The following EPB41L2 variants were observed in gnomAD, a reference collection of about 807,000 sequenced individuals.
The protein encoded by EPB41L2 is band 4.1-like protein 2.
EPB41L2 carries 43 observed loss-of-function variants against 113.0 expected under a neutral mutation model. That is an observed-to-expected ratio of 0.38 (90% confidence interval 0.30 to 0.49). The LOEUF is 0.49. EPB41L2 is among the 20% of genes least tolerant of loss of function. The pLI, the probability that EPB41L2 is intolerant of heterozygous loss-of-function variation, is 0.95. For missense variants in EPB41L2, 1,147 were observed against 1,223.4 expected, an observed-to-expected ratio of 0.94 and a Z score of 0.93; for synonymous variants, 442 against 436.7, an observed-to-expected ratio of 1.01 and a Z score of -0.15.
intron 1 of EPB41L2, among the ~76,000 whole-genome samples, chr6:130,968,815 A>G (rs1776010365): frequency 6.6e-6 from 1 of 151,526 alleles, no homozygotes; most frequent in Non-Finnish European, 1.5e-5. Flanking sequence ...TCAAATAACT[A>G]TTTTTAGGTG....
chr6:131,048,935 C>T (rs961288210), intron 1 of EPB41L2, among the ~76,000 whole-genome samples: 3 of 151,904 alleles, frequency 2.0e-5, no homozygotes, highest in African/African-American at 7.3e-5. Flanking sequence ...GCCACATTAT[C>T]CTTCACTGCT....
intron 1 of EPB41L2, among the ~76,000 whole-genome samples, chr6:131,024,166 T>G (rs1473709542): frequency 6.6e-6 from 1 of 152,134 alleles, no homozygotes; most frequent in African/African-American, 2.4e-5. Flanking sequence ...GAACACTTTT[T>G]TTTTTAACTA....
Position 130,955,133 on chromosome 6 carries a change from T to C in EPB41L2, c.677A>G (p.Asp226Gly), listed in dbSNP as rs1223677334. The C allele has an allele frequency of 1.9e-6, 3 of 1,614,070 alleles. No individual in the cohort carries two copies. In the African/African-American group the frequency reaches 4.0e-5, roughly 22 times the overall value. The change falls in exon 3 of 20, where the codon GAT (aspartate) becomes GGT (glycine). Residue 226 changes from aspartate (D) to glycine (G), a missense_variant. Asp to Gly is a moderately conservative substitution (Grantham distance 94). Coordinates refer to ENST00000337057, the MANE Select transcript of EPB41L2 (RefSeq NM_001431.4). ...KTVQCKVTLL[D>G]GTEYSCDLEK... ...CAGGTCACAGCTGTATTCGGTGCCA[T>C]CTAAGAGGGTCACTTTACACTGGAC...
chr6:131,056,712 T>A (rs1381219237), intron 1 of EPB41L2, among the ~76,000 whole-genome samples: 1 of 152,188 alleles, frequency 6.6e-6, no homozygotes, highest in African/African-American at 2.4e-5. Flanking sequence ...TTAATCCTCA[T>A]GTAACTCTGA....
chr6:130,924,627 G>A (rs1026234650), intron 4 of EPB41L2, among the ~76,000 whole-genome samples: 2 of 151,982 alleles, frequency 1.3e-5, no homozygotes, highest in Non-Finnish European at 2.9e-5. Context: ...TGATCTGCCC[G>A]CCTCAGCCTC....
At chr6:130,867,623 TAAAGTA>T (rs756194796) in intron 15 of EPB41L2, 42 bp from the exon 16 acceptor site, 23 of 1,610,646 alleles carry the variant, frequency 1.4e-5, no homozygotes, top group Non-Finnish European at 2.0e-5. Flanking sequence ...CTAGAGGTAA[TAAAGTA>T]AAAGTGTTTA....
At chr6:131,050,903 T>C (rs1796386551) in intron 1 of EPB41L2, among the ~76,000 whole-genome samples, 1 of 152,138 alleles carries the variant, frequency 6.6e-6, no homozygotes, top group African/African-American at 2.4e-5. Flanking sequence ...CCAAAGAATA[T>C]TCAAGTATAT....
At chr6:131,023,729 G>GTGTA (rs1387546983) in intron 1 of EPB41L2, among the ~76,000 whole-genome samples, 4 of 119,354 alleles carry the variant, frequency 3.4e-5, no homozygotes, top group South Asian at 2.6e-4. Context: ...GTGTGTGTGT[G>GTGTA]TATATATATC....
intron 17 of EPB41L2, among the ~76,000 whole-genome samples, chr6:130,864,267 G>A (rs957800811): frequency 5.3e-5 from 8 of 152,204 alleles, no homozygotes; most frequent in African/African-American, 1.9e-4. Context: ...GATGGATTCT[G>A]AGCATACAAA....
chr6:131,039,023 CATGAT>C lies in EPB41L2; in HGVS notation c.-15+24127_-15+24131del, dbSNP rs375475501. ...CAGTGACTTCCCAGAGGCTTAGAAA[CATGAT>C]ATAAGTATTATGTTATTCCATTAGA... On this transcript the variant is annotated intron_variant, in intron 1 of 19. Coordinates refer to ENST00000337057, the MANE Select transcript of EPB41L2 (RefSeq NM_001431.4). Among the ~76,000 whole-genome samples, 146 of 152,200 alleles carry C rather than the reference CATGAT, an allele frequency of 9.6e-4. No homozygotes were observed. The Middle Eastern group carries it at 0.01, about 11-fold the overall frequency.
intron 14 of EPB41L2, among the ~76,000 whole-genome samples, chr6:130,875,202 C>A (rs923143769): frequency 2.6e-5 from 4 of 152,192 alleles, no homozygotes; most frequent in African/African-American, 9.7e-5. Flanking sequence ...TACCAATTAA[C>A]AGAATCTACT....
In EPB41L2 at chr6:130,865,530, CT is replaced by C; in HGVS notation, c.2829+5del. ...CCTCTCCATATGATCCCCTGCATTG[CT>C]TTACCTTGGTGATGTGTGTGGTTGT... On this transcript the variant is annotated splice_donor_5th_base_variant and intron_variant, in intron 17 of 19. Coordinates refer to ENST00000337057, the MANE Select transcript of EPB41L2 (RefSeq NM_001431.4). 1 of 1,613,886 alleles carries C rather than the reference CT, an allele frequency of 6.2e-7. No individual in the cohort carries two copies. The highest frequency in any genetic ancestry group is 8.5e-7 in the Non-Finnish European group (1 of 1,179,832).
chr6:130,891,428 T>TTTACTTAATTAC (rs1554260419), intron 10 of EPB41L2, among the ~76,000 whole-genome samples: 10 of 149,364 alleles, frequency 6.7e-5, no homozygotes, highest in African/African-American at 2.5e-4. Flanking sequence ...TATTTATTTA[T>TTTACTTAATTAC]TTACTTACTT....
intron 3 of EPB41L2, among the ~76,000 whole-genome samples, chr6:130,952,395 C>G (rs1390864165): frequency 6.6e-6 from 1 of 151,188 alleles, no homozygotes; most frequent in Admixed American, 6.6e-5. Flanking sequence ...AACTGTGACT[C>G]AGGAGGGGAA....
chr6:131,057,122 A>C lies in EPB41L2; in HGVS notation c.-15+6033T>G, dbSNP rs145159193. On this transcript the variant is annotated intron_variant, in intron 1 of 19. Coordinates refer to ENST00000337057, the MANE Select transcript of EPB41L2 (RefSeq NM_001431.4). ...AAAACTTCCATCTTCTAATCTCGAA[A>C]ATAAGAACTGAAACATCAGTTCTCA... is the stretch of plus-strand genomic sequence containing the variant. Among the ~76,000 whole-genome samples the C allele has an allele frequency of 6.7e-3, 1,021 of 152,332 alleles. 20 individuals are homozygous for C. The highest frequency in any genetic ancestry group is 0.024 in the African/African-American group (986 of 41,564).
At chr6:131,005,178 G>GTT (rs5880046) in intron 1 of EPB41L2, among the ~76,000 whole-genome samples, 6 of 145,240 alleles carry the variant, frequency 4.1e-5, no homozygotes, top group South Asian at 2.2e-4. Flanking sequence ...CTTTTACAGA[G>GTT]TTTTTTTTTT....
chr6:130,978,620 T>C (rs1193381709), intron 1 of EPB41L2: 1 of 152,214 alleles, frequency 6.6e-6, no homozygotes, highest in South Asian at 2.1e-4. Flanking sequence ...CCTCTGCCCA[T>C]GAAATCTTGA....
At chr6:131,045,226 T>C (rs1795183515) in intron 1 of EPB41L2, among the ~76,000 whole-genome samples, 1 of 148,096 alleles carries the variant, frequency 6.8e-6, no homozygotes, top group Admixed American at 6.7e-5. Context: ...TATCTATTAG[T>C]GCATACTATG....
intron 19 of EPB41L2, among the ~76,000 whole-genome samples, chr6:130,852,441 C>T (rs1294141963): frequency 6.6e-6 from 1 of 152,170 alleles, no homozygotes; most frequent in Non-Finnish European, 1.5e-5. Context: ...AAAAATACAC[C>T]TTTGCTTTAA....
Sources: gnomAD v4.1 joint callset for allele counts (sites outside exome capture counted in the v4.1 genomes callset) on GRCh38, gnomAD v4.1.1 for gene constraint, MANE v1.5 for transcripts, NCBI Gene and HGNC (gene_info 2026-07-23, HGNC 2026-07-21) for gene names.